Variants in IL17RD observed in about 807,000 individuals in gnomAD.
The protein encoded by IL17RD is interleukin-17 receptor D.
Under a neutral mutation model 80.5 loss-of-function variants are expected in IL17RD, and 52 were observed. The observed-to-expected ratio is 0.65, with a 90% CI of 0.52 to 0.81. The LOEUF (loss-of-function observed/expected upper bound fraction) is 0.81, where lower values mean the gene tolerates loss of function less well. Among genes scored for constraint, IL17RD ranks in the 40% least tolerant of loss-of-function variants. The pLI is 0.00. For missense variants in IL17RD, 1,024 were observed against 955.1 expected (o/e 1.07, Z -0.95); for synonymous variants, 416 against 391.8 (o/e 1.06, Z -0.73).
chr3:57,155,486 G>C (rs2060261012), intron 1 of IL17RD, among the ~76,000 whole-genome samples: 1 of 152,220 alleles, frequency 6.6e-6, no homozygotes, highest in African/African-American at 2.4e-5. Context: ...CCCCTGGCAG[G>C]AGTGCCAATA....
chr3:57,124,269 C>T (rs1707401766), intron 1 of IL17RD, among the ~76,000 whole-genome samples: 1 of 152,094 alleles, frequency 6.6e-6, no homozygotes, highest in South Asian at 2.1e-4. Context: ...GAATGATAGC[C>T]CCTTAAACGT....
intron 11 of IL17RD, among the ~76,000 whole-genome samples, chr3:57,099,405 T>C (rs1706776165): frequency 6.6e-6 from 1 of 152,254 alleles, no homozygotes; most frequent in African/African-American, 2.4e-5. Flanking sequence ...AGACCACTTT[T>C]ACCTAATTCT....
At chr3:57,131,680 C>T (rs1307477398) in intron 1 of IL17RD, among the ~76,000 whole-genome samples, 1 of 152,198 alleles carries the variant, frequency 6.6e-6, no homozygotes, top group Non-Finnish European at 1.5e-5. Context: ...CTCTCATTTA[C>T]CCCTCATTAC....
intron 1 of IL17RD, among the ~76,000 whole-genome samples, chr3:57,130,107 G>A (rs995864114): frequency 1.3e-5 from 2 of 152,174 alleles, no homozygotes; most frequent in Non-Finnish European, 2.9e-5. Context: ...TTTTTGTTAA[G>A]AGGAAAAGTT....
rs2060340410 is a variant in IL17RD, at chr3:57,165,273, A to C, written c.14T>G (p.Leu5Arg). 1 of 1,508,876 alleles carries C rather than the reference A, an allele frequency of 6.6e-7. No individual in the cohort carries two copies. 93.5% of individuals were successfully genotyped at this position (1,508,876 alleles called of 1,614,324 possible). The stretch of plus-strand genomic sequence containing the variant: ...CGTAAAGAAGACGGAGCAGAGCTGC[A>C]GCCACGGGGCCATGGCCGTGCGCTC... MAPW[L>R]QLCSVFFTVN... is the part of the protein sequence containing the mutation. The change falls in exon 1 of 13, where the codon CTG becomes CGG. Residue 5 changes from leucine (L) to arginine (R), a missense_variant. Coordinates refer to ENST00000296318, the MANE Select transcript of IL17RD (RefSeq NM_017563.5).
chr3:57,161,896 A>C (rs562740291), intron 1 of IL17RD, among the ~76,000 whole-genome samples: 1 of 152,348 alleles, frequency 6.6e-6, no homozygotes, highest in African/African-American at 2.4e-5. Flanking sequence ...CACAGTATTT[A>C]TTACTCAAAG....
At chr3:57,139,858 T>A (rs954879919) in intron 1 of IL17RD, among the ~76,000 whole-genome samples, 1 of 152,222 alleles carries the variant, frequency 6.6e-6, no homozygotes, top group Non-Finnish European at 1.5e-5. Flanking sequence ...CAAATAATTA[T>A]ACTGCTAGAT....
chr3:57,165,652 G>GTAA (rs1165513380), upstream of IL17RD, among the ~76,000 whole-genome samples: 2 of 151,974 alleles, frequency 1.3e-5, no homozygotes, highest in African/African-American at 4.8e-5. Context: ...CACAAAGAAT[G>GTAA]TAATAATAAT....
intron 1 of IL17RD, among the ~76,000 whole-genome samples, chr3:57,148,887 C>T (rs995703390): frequency 2.0e-5 from 3 of 152,180 alleles, no homozygotes; most frequent in Non-Finnish European, 4.4e-5. Flanking sequence ...TCCTGTATAT[C>T]CTATCACTGC....
At chr3:57,157,675 G>A (rs1227019617) in intron 1 of IL17RD, among the ~76,000 whole-genome samples, 1 of 152,230 alleles carries the variant, frequency 6.6e-6, no homozygotes, top group Admixed American at 6.5e-5. Context: ...GGTCCATACT[G>A]CACTGCATTT....
At position 57,142,587 on chromosome 3, in the gene IL17RD, T is replaced by C. The variant is rs890725278; in HGVS notation, c.127-22274A>G. 3.1e-6 allele frequency: 3 copies of C among 956,118 alleles called. No individual in the cohort carries two copies. In the African/African-American group the frequency reaches 5.1e-5, roughly 16 times the overall value. The allele number at this position is 956,118 out of a possible 1,614,324, so 59.2% of individuals were successfully genotyped here. On this transcript the variant is annotated intron_variant, in intron 1 of 12. Transcript: ENST00000296318. ...AGATAGGGCCTGGCTGACCGCTGTGTTGGTGTCGCCAACCTGAGCCTCAGG... is the reference window on the plus strand; with the variant it reads ...AGATAGGGCCTGGCTGACCGCTGTGCTGGTGTCGCCAACCTGAGCCTCAGG...
chr3:57,134,862 C>T (rs1707691285), intron 1 of IL17RD: 1 of 342,052 alleles, frequency 2.9e-6, no homozygotes, highest in African/African-American at 2.1e-5. Flanking sequence ...TCCTGCAATC[C>T]CAGCACTTTG....
intron 8 of IL17RD, among the ~76,000 whole-genome samples, chr3:57,103,471 T>C (rs1484636978): frequency 1.3e-5 from 2 of 152,214 alleles, no homozygotes; most frequent in Non-Finnish European, 2.9e-5. Flanking sequence ...ATCCTTCCAC[T>C]GATTTTACTG....
At chr3:57,168,981 A>G (rs7641771), upstream of IL17RD, among the ~76,000 whole-genome samples, 112,422 of 152,226 alleles carry the variant, frequency 0.74, 42,810 homozygotes, top group African/African-American at 0.94. Flanking sequence ...GACTTCCAAA[A>G]TGCTGGGATT....
intron 10 of IL17RD, 77 bp from the exon 11 acceptor site, chr3:57,101,440 C>T (rs545286729): frequency 5.2e-6 from 5 of 966,026 alleles, no homozygotes; most frequent in South Asian, 3.3e-5. Flanking sequence ...AAACCCAGTG[C>T]TATCTTCAAG....
At chr3:57,142,019 C>T (rs191607095) in intron 1 of IL17RD, among the ~76,000 whole-genome samples, 1 of 151,934 alleles carries the variant, frequency 6.6e-6, no homozygotes, top group East Asian at 1.9e-4. Context: ...CTCTTATAGC[C>T]ACAGGAAAAA....
chr3:57,099,315 T>C (rs1706773592), intron 11 of IL17RD, among the ~76,000 whole-genome samples: 1 of 152,220 alleles, frequency 6.6e-6, no homozygotes, highest in Non-Finnish European at 1.5e-5. Flanking sequence ...AAAGGCGGTC[T>C]GGTAGAGAGA....
intron 1 of IL17RD, among the ~76,000 whole-genome samples, chr3:57,136,518 C>T (rs1183810485): frequency 6.6e-6 from 1 of 151,724 alleles, no homozygotes; most frequent in Non-Finnish European, 1.5e-5. Flanking sequence ...GCCTGTAGTC[C>T]CAGCTGCTGA....
At chr3:57,124,480 G>A (rs1185963133) in intron 1 of IL17RD, among the ~76,000 whole-genome samples, 1 of 151,522 alleles carries the variant, frequency 6.6e-6, no homozygotes, top group South Asian at 2.1e-4. Flanking sequence ...AATGAGGAGA[G>A]AGAGAAAGAG....
Sources: gnomAD v4.1 joint callset for allele counts (sites outside exome capture counted in the v4.1 genomes callset) on GRCh38, gnomAD v4.1.1 for gene constraint, MANE v1.5 for transcripts, NCBI Gene and HGNC (gene_info 2026-07-23, HGNC 2026-07-21) for gene names.